SDCCAG8: variants seen among roughly 807,000 people sequenced by gnomAD.
The protein encoded by SDCCAG8 is serologically defined colon cancer antigen 8.
SDCCAG8 carries 74 observed loss-of-function variants against 101.8 expected under a neutral mutation model. That is an observed-to-expected ratio of 0.73 (90% confidence interval 0.60 to 0.88). The LOEUF is 0.88. Among genes scored for constraint, SDCCAG8 ranks in the 40% least tolerant of loss-of-function variants. The pLI is 0.00. For missense variants in SDCCAG8, 787 were observed against 822.6 expected (o/e 0.96, Z 0.53); for synonymous variants, 281 against 292.9 (o/e 0.96, Z 0.41).
At position 243,289,109 on chromosome 1, in the gene SDCCAG8, T is replaced by G. The variant is rs1439760651; in HGVS notation, c.546+2712T>G. Reference sequence around the variant, plus strand: ...AATATATATATATGAAGGGGGTTTATTAAGTAGTATTAACTTATTAACTGA... The same window carrying G: ...AATATATATATATGAAGGGGGTTTAGTAAGTAGTATTAACTTATTAACTGA... On this transcript the variant is annotated intron_variant, in intron 5 of 17. Transcript: ENST00000366541. 3.3e-5 allele frequency among the ~76,000 whole-genome samples: 5 copies of G among 151,998 alleles called. No individual in the cohort carries two copies. The East Asian group carries it at 9.6e-4, about 29-fold the overall frequency.
intron 12 of SDCCAG8, among the ~76,000 whole-genome samples, chr1:243,365,745 C>T (rs1011054673): frequency 1.3e-5 from 2 of 152,066 alleles, no homozygotes; most frequent in Admixed American, 6.6e-5. Flanking sequence ...AATTATCCAG[C>T]TTTCTTTGGA....
chr1:243,394,374 T>G (rs1191094517), intron 13 of SDCCAG8, among the ~76,000 whole-genome samples: 6 of 152,228 alleles, frequency 3.9e-5, no homozygotes, highest in Non-Finnish European at 8.8e-5. Flanking sequence ...TAGTCTCTTC[T>G]TACTCTTAAC....
chr1:243,300,449 A>G (rs1038999354), intron 6 of SDCCAG8, among the ~76,000 whole-genome samples: 3 of 152,124 alleles, frequency 2.0e-5, no homozygotes, highest in African/African-American at 4.8e-5. Flanking sequence ...CACTTCAATT[A>G]TGATTTAAGA....
rs1463273116 is a variant in SDCCAG8, at chr1:243,492,711, A to C, written c.2112+3571A>C. ...CAACCTCTGCCTCCTGGGTTCAAGC[A>C]ATTCTCCTGCCTCAGCCTCCCAAGT... On this transcript the variant is annotated intron_variant, in intron 17 of 17. Coordinates refer to ENST00000366541, the MANE Select transcript of SDCCAG8 (RefSeq NM_006642.5). Among the ~76,000 whole-genome samples the C allele has an allele frequency of 2.2e-5, 3 of 137,114 alleles. No homozygotes were observed. In the East Asian group the frequency reaches 6.6e-4, roughly 30 times the overall value. The allele number at this position is 137,114 out of a possible 152,430, so 90.0% of individuals were successfully genotyped here.
At position 243,330,522 on chromosome 1, in the gene SDCCAG8, TC is replaced by T. The variant is rs1393365360; in HGVS notation, c.1069-17del. 1 of 1,613,806 alleles carries T rather than the reference TC, an allele frequency of 6.2e-7. No homozygotes were observed. Among genetic ancestry groups the T allele is most frequent in the Non-Finnish European group, 8.5e-7 (1 of 1,179,860 alleles). The stretch of plus-strand genomic sequence containing the variant: ...TCCAAATTCTAACCTCCTCTTTCAA[TC>T]TGTTCTATCCTGGCAGGCTTTAATC... On this transcript the variant is annotated splice_polypyrimidine_tract_variant and intron_variant, in intron 9 of 17. Coordinates refer to ENST00000366541, the MANE Select transcript of SDCCAG8 (RefSeq NM_006642.5).
intron 4 of SDCCAG8, among the ~76,000 whole-genome samples, chr1:243,283,316 G>A (rs2069241178): frequency 6.6e-6 from 1 of 151,534 alleles, no homozygotes; most frequent in Non-Finnish European, 1.5e-5. Context: ...TTTGGTGCCT[G>A]TCATTAATTC....
intron 7 of SDCCAG8, 24 bp downstream of exon 7, chr1:243,304,801 A>G (rs369949556): frequency 2.5e-5 from 33 of 1,330,196 alleles, no homozygotes; most frequent in Non-Finnish European, 3.3e-5. Flanking sequence ...GTCCATTTAT[A>G]GTCATACCAA....
At chr1:243,485,789 A>G (rs1664662203) in intron 16 of SDCCAG8, among the ~76,000 whole-genome samples, 1 of 151,908 alleles carries the variant, frequency 6.6e-6, no homozygotes, top group African/African-American at 2.4e-5. Context: ...CTATAATCCC[A>G]GCTACGGCAG....
At chr1:243,484,768 G>A (rs1185480719) in intron 16 of SDCCAG8, among the ~76,000 whole-genome samples, 4 of 152,294 alleles carry the variant, frequency 2.6e-5, no homozygotes, top group South Asian at 2.1e-4. Context: ...GGTGTTGGCC[G>A]GGCGCGGTGG....
chr1:243,297,900 T>TA (rs2071090657), intron 6 of SDCCAG8, among the ~76,000 whole-genome samples: 1 of 152,196 alleles, frequency 6.6e-6, no homozygotes, highest in African/African-American at 2.4e-5. Flanking sequence ...ACTCTCTTGA[T>TA]AGTTTGCTTG....
At position 243,312,536 on chromosome 1, in the gene SDCCAG8, A is replaced by C. The variant is rs2072831008; in HGVS notation, c.930-4219A>C. On this transcript the variant is annotated intron_variant, in intron 8 of 17. Coordinates refer to ENST00000366541, the MANE Select transcript of SDCCAG8 (RefSeq NM_006642.5). The stretch of plus-strand genomic sequence containing the variant: ...AGCCTGGCCATCATGGTGAAACCCC[A>C]TCTCTACTAAAAATACAAAAATAGC... Among the ~76,000 whole-genome samples the C allele has an allele frequency of 2.6e-5, 4 of 152,040 alleles. No homozygotes were observed. The South Asian group carries it at 8.3e-4, about 32-fold the overall frequency.
chr1:243,362,761 G>A (rs901991680), intron 12 of SDCCAG8, among the ~76,000 whole-genome samples: 1 of 152,192 alleles, frequency 6.6e-6, no homozygotes, highest in Admixed American at 6.5e-5. Context: ...ACTGCCCAGT[G>A]CATAGCAGTG....
intron 13 of SDCCAG8, among the ~76,000 whole-genome samples, chr1:243,387,582 T>C (rs1180363026): frequency 6.6e-6 from 1 of 152,198 alleles, no homozygotes; most frequent in Non-Finnish European, 1.5e-5. Context: ...TTGTGTCTTT[T>C]TGAAAGTGAG....
rs187313883 is a variant in SDCCAG8, at chr1:243,442,581, T to C, written c.1985+16023T>C. 8.8e-4 allele frequency among the ~76,000 whole-genome samples: 133 copies of C among 151,390 alleles called. 1 individual carries two copies. The highest frequency in any genetic ancestry group is 5.9e-4 in the Non-Finnish European group (40 of 67,886). On this transcript the variant is annotated intron_variant, in intron 16 of 17. Transcript: ENST00000366541. The stretch of plus-strand genomic sequence containing the variant: ...CTTCAGTGTAAAGCCCTGATTTTCA[T>C]AGATAACCTAATCTGTAGGGAAAAA...
intron 9 of SDCCAG8, among the ~76,000 whole-genome samples, chr1:243,325,488 T>G (rs2149342954): frequency 6.6e-6 from 1 of 151,920 alleles, no homozygotes; most frequent in Middle Eastern, 3.4e-3. Context: ...TTTAGTTCCT[T>G]GACGTTTGTT....
intron 13 of SDCCAG8, among the ~76,000 whole-genome samples, chr1:243,398,293 T>C (rs1419170978): frequency 6.6e-6 from 1 of 152,168 alleles, no homozygotes; most frequent in Non-Finnish European, 1.5e-5. Flanking sequence ...ATATAAAGAA[T>C]TGAAATCAGA....
chr1:243,256,270 C>T (rs1418066887), intron 1 of SDCCAG8, 30 bp downstream of exon 1: 4 of 1,599,288 alleles, frequency 2.5e-6, no homozygotes, highest in South Asian at 2.2e-5. Context: ...TGTCCCTAGC[C>T]CCGAGGTGCC....
chr1:243,344,588 A>G (rs1017812792), intron 12 of SDCCAG8, among the ~76,000 whole-genome samples: 3 of 152,226 alleles, frequency 2.0e-5, no homozygotes, highest in African/African-American at 7.2e-5. Context: ...ATGTGTATCT[A>G]TTACTTACAA....
At chr1:243,379,890 A>G (rs2077835072) in intron 13 of SDCCAG8, among the ~76,000 whole-genome samples, 1 of 152,226 alleles carries the variant, frequency 6.6e-6, no homozygotes, top group Non-Finnish European at 1.5e-5. Context: ...ACGGTATGCT[A>G]ACAGATGGAG....
Sources: gnomAD v4.1 joint callset for allele counts (sites outside exome capture counted in the v4.1 genomes callset) on GRCh38, gnomAD v4.1.1 for gene constraint, MANE v1.5 for transcripts, NCBI Gene and HGNC (gene_info 2026-07-23, HGNC 2026-07-21) for gene names.